Variants in ANKRD36 observed in about 807,000 individuals in gnomAD.
ANKRD36 encodes the protein ankyrin repeat domain 36, also known as ankyrin repeat domain-containing protein 36A.
ANKRD36 carries 179 observed loss-of-function variants against 278.1 expected under a neutral mutation model. The observed-to-expected ratio is 0.64, with a 90% CI of 0.57 to 0.73. The LOEUF is 0.73. Ranked by LOEUF, ANKRD36 falls within the 30% of genes least tolerant of loss-of-function variation. The pLI is 0.00. For missense variants in ANKRD36, 1,159 were observed against 1,956.7 expected (o/e 0.59, Z 7.69); for synonymous variants, 320 against 641.1 (o/e 0.50, Z 7.57).
intron 42 of ANKRD36, among the ~76,000 whole-genome samples, chr2:97,197,933 A>G (rs1361428226): frequency 6.6e-6 from 1 of 151,912 alleles, no homozygotes; most frequent in Non-Finnish European, 1.5e-5. Flanking sequence ...ACATATATCC[A>G]AGGTGATCAA....
Position 97,196,791 on chromosome 2 carries a change from A to T in ANKRD36, c.2653+3A>T. The stretch of plus-strand genomic sequence containing the variant: ...GGATGGAGAAAAATCTAGGACAGGT[A>T]ATTCTGAAAACAGATTTAATGTCAT... On this transcript the variant is annotated splice_donor_region_variant and intron_variant, in intron 42 of 75. Transcript: ENST00000420699. 6.5e-7 allele frequency: 1 copy of T among 1,545,938 alleles called. No homozygotes were observed. The highest frequency in any genetic ancestry group is 8.7e-7 in the Non-Finnish European group (1 of 1,146,844).
chr2:97,200,360 G>A lies in ANKRD36; in HGVS notation c.2782G>A (p.Glu928Lys), dbSNP rs530916003. 7.8e-4 allele frequency: 1,252 copies of A among 1,605,522 alleles called. 8 individuals carry two copies. The African/African-American group carries it at 0.014, about 18-fold the overall frequency. ...GTCTTCTCGGAAAAAACCATCCTTG[G>A]AGGTAATGAAACTCTCATTCATATT... ...RVSSRKKPSL[E>K]ATSDEKDSFS... Residue 928 changes from glutamate (E) to lysine (K), a missense_variant and splice_region_variant, in exon 45 of 76, where the codon GAG (glutamate) becomes AAG (lysine). Glu to Lys is a moderately conservative substitution (Grantham distance 56, BLOSUM62 1). Coordinates refer to ENST00000420699, the MANE Select transcript of ANKRD36 (RefSeq NM_001354587.1).
intron 12 of ANKRD36, among the ~76,000 whole-genome samples, chr2:97,150,225 A>AT (rs1366670952): frequency 6.6e-6 from 1 of 151,760 alleles, no homozygotes; most frequent in African/African-American, 2.4e-5. Flanking sequence ...GACTCTTCAT[A>AT]TTTTATGGTC....
chr2:97,162,507 CA>C (rs1001663830), intron 18 of ANKRD36, among the ~76,000 whole-genome samples: 11 of 146,820 alleles, frequency 7.5e-5, no homozygotes, highest in African/African-American at 2.2e-4. Flanking sequence ...AGTATATTTA[CA>C]AAAAAATGTG....
rs749273705 is a variant in ANKRD36 at position 97,179,759 on chromosome 2, C to G, written c.1655C>G (p.Ala552Gly). 1 of 1,593,422 alleles carries G rather than the reference C, an allele frequency of 6.3e-7. No individual in the cohort carries two copies. The highest frequency in any genetic ancestry group is 8.5e-7 in the Non-Finnish European group (1 of 1,177,290). ...TCAGTGTCTTCTCAGAAACAACCAG[C>G]TGAGAAGGTAATTAAAGTCTCATTT... ...PGKVSSQKQP[A>G]EKATSDDKDS... Residue 552 changes from alanine to glycine, a missense_variant, in exon 23 of 76, where the codon GCT (alanine) becomes GGT (glycine). Coordinates refer to ENST00000420699, the MANE Select transcript of ANKRD36 (RefSeq NM_001354587.1).
intron 40 of ANKRD36, among the ~76,000 whole-genome samples, chr2:97,196,322 A>AC: frequency 2.3e-5 from 2 of 88,382 alleles, no homozygotes; most frequent in Middle Eastern, 0.011. Context: ...ACTCGGCCTA[A>AC]GACATTGATA....
At chr2:97,225,704 C>T (rs1471342720) in intron 67 of ANKRD36, among the ~76,000 whole-genome samples, 2 of 151,878 alleles carry the variant, frequency 1.3e-5, no homozygotes, top group African/African-American at 2.4e-5. Context: ...ATACACGTGC[C>T]ATGCTGGTGT....
At chr2:97,199,371 A>T (rs964255215) in intron 44 of ANKRD36, among the ~76,000 whole-genome samples, 6 of 151,894 alleles carry the variant, frequency 4.0e-5, no homozygotes, top group African/African-American at 1.4e-4. Context: ...TAAAAATCAG[A>T]TAATCTTGAA....
intron 22 of ANKRD36, among the ~76,000 whole-genome samples, chr2:97,177,933 C>T (rs2054827170): frequency 6.7e-6 from 1 of 149,640 alleles, no homozygotes; most frequent in East Asian, 2.0e-4. Flanking sequence ...ACTCATCTGA[C>T]AAAGGGCTAA....
intron 6 of ANKRD36, among the ~76,000 whole-genome samples, chr2:97,131,216 G>A (rs929743018): frequency 1.3e-5 from 2 of 150,212 alleles, no homozygotes; most frequent in Non-Finnish European, 3.0e-5. Flanking sequence ...TTGAGATTGA[G>A]TCTTTTGCTG....
In ANKRD36 at chr2:97,200,279, G is replaced by A. The variant is rs1339016028; in HGVS notation, c.2756-55G>A. 5 of 1,605,856 alleles carry A rather than the reference G, an allele frequency of 3.1e-6. No individual in the cohort carries two copies. The Admixed American group carries it at 5.0e-5, about 16-fold the overall frequency. On this transcript the variant is annotated intron_variant, in intron 44 of 75. Transcript: ENST00000420699. ...TGATGCTAACACTGTGTGAATCTAT[G>A]GATAATTTTATCATGTTTACATGTG...
chr2:97,199,834 A>T (rs1247126045), intron 44 of ANKRD36, among the ~76,000 whole-genome samples: 1 of 151,906 alleles, frequency 6.6e-6, no homozygotes, highest in Non-Finnish European at 1.5e-5. Context: ...TGCACTGAAG[A>T]GATGTGAAGT....
At chr2:97,228,172 C>T (rs574688845) in intron 67 of ANKRD36, among the ~76,000 whole-genome samples, 13 of 152,182 alleles carry the variant, frequency 8.5e-5, no homozygotes, top group Non-Finnish European at 1.6e-4. Flanking sequence ...GGGAGGGTTC[C>T]CTCTTTTTCT....
At chr2:97,200,585 G>A (rs1450238499) in intron 46 of ANKRD36, 60 bp downstream of exon 46, 22 of 1,534,462 alleles carry the variant, frequency 1.4e-5, no homozygotes, top group South Asian at 6.0e-5. Flanking sequence ...TCTCTTCCCC[G>A]AATAAATCAG....
Position 97,142,669 on chromosome 2 carries a change from G to A in ANKRD36, c.828+1G>A, listed in dbSNP as rs1309440938. 5 of 1,609,678 alleles carry A rather than the reference G, an allele frequency of 3.1e-6. No individual in the cohort carries two copies. In the Admixed American group the frequency reaches 5.0e-5, roughly 16 times the overall value. ...TTCTCAGAAACAACCAGCCTTGAAGGTAATTACACATTCATTTCTGTTTTG... is the reference window on the plus strand; with the variant it reads ...TTCTCAGAAACAACCAGCCTTGAAGATAATTACACATTCATTTCTGTTTTG... On this transcript the variant is annotated splice_donor_variant, in intron 7 of 75. Transcript: ENST00000420699. LOFTEE classifies it high-confidence loss of function.
intron 75 of ANKRD36, among the ~76,000 whole-genome samples, chr2:97,257,835 AAAATATCATATTCTTAT>A (rs1327492342): frequency 7.7e-5 from 4 of 51,866 alleles, no homozygotes; most frequent in Admixed American, 6.0e-4. Context: ...AAACTTACCT[AAAATATCATATTCTTAT>A]AACAAACTAC....
Position 97,113,675 on chromosome 2 carries a change from G to T in ANKRD36, c.-65G>T, listed in dbSNP as rs1474424669. The T allele has an allele frequency of 1.2e-6, 2 of 1,604,048 alleles. No individual in the cohort carries two copies. The highest frequency in any genetic ancestry group is 2.3e-5 in the East Asian group (1 of 43,760). Reference sequence around the variant, plus strand: ...ACTGCTTTGCTCGTTGTTGCTCTTCGGAGGCGGCGATCCCCGAAGGCGAGC... The same window carrying T: ...ACTGCTTTGCTCGTTGTTGCTCTTCTGAGGCGGCGATCCCCGAAGGCGAGC... On this transcript the variant is annotated 5_prime_UTR_variant, in exon 1 of 76. Transcript: ENST00000420699.
At chr2:97,202,685 C>G (rs764900071) in intron 48 of ANKRD36, among the ~76,000 whole-genome samples, 1 of 151,800 alleles carries the variant, frequency 6.6e-6, no homozygotes, top group Non-Finnish European at 1.5e-5. Context: ...AATCCTCCAG[C>G]TTGTTTTCAG....
At chr2:97,128,389 T>A (rs892690551) in intron 6 of ANKRD36, among the ~76,000 whole-genome samples, 2 of 151,696 alleles carry the variant, frequency 1.3e-5, no homozygotes, top group African/African-American at 4.8e-5. Context: ...GAGGAAGTGA[T>A]GTTGCAAAAA....
Sources: gnomAD v4.1 joint callset for allele counts (sites outside exome capture counted in the v4.1 genomes callset) on GRCh38, gnomAD v4.1.1 for gene constraint, MANE v1.5 for transcripts, NCBI Gene and HGNC (gene_info 2026-07-23, HGNC 2026-07-21) for gene names.